Variants in PTPRN2 observed in about 807,000 individuals in gnomAD.
PTPRN2 encodes receptor-type tyrosine-protein phosphatase N2.
In PTPRN2, 74 loss-of-function variants were observed where a neutral mutation model predicts 118.8. The observed-to-expected ratio is 0.62, with a 90% CI of 0.52 to 0.76. The LOEUF (loss-of-function observed/expected upper bound fraction) is 0.76, where lower values mean the gene tolerates loss of function less well. PTPRN2 is among the 30% of genes least tolerant of loss of function. The pLI, the probability that PTPRN2 is intolerant of heterozygous loss-of-function variation, is 0.00. For synonymous variants in PTPRN2, 641 were observed against 608.0 expected (o/e 1.05, Z -0.80); for missense variants, 1,481 against 1,394.4 (o/e 1.06, Z -0.99).
intron 12 of PTPRN2, among the ~76,000 whole-genome samples, chr7:157,851,221 C>T (rs149696726): frequency 0.016 from 2,379 of 152,330 alleles, 39 homozygotes; most frequent in Admixed American, 0.047. Context: ...GGGTTCCTGC[C>T]TCCTATAGAG....
chr7:158,583,284 C>G (rs1463287901), intron 1 of PTPRN2, among the ~76,000 whole-genome samples: 1 of 152,166 alleles, frequency 6.6e-6, no homozygotes, highest in Non-Finnish European at 1.5e-5. Flanking sequence ...TTGGACTGCA[C>G]ATCACACCAG....
rs192067382 is a variant in PTPRN2 at position 158,457,868 on chromosome 7, G to A, written c.163+31867C>T. Among the ~76,000 whole-genome samples the A allele has an allele frequency of 1.6e-4, 24 of 152,180 alleles. 1 individual carries two copies. In the East Asian group the frequency reaches 2.3e-3, roughly 15 times the overall value. ...TGGGGAGAGTCGCAGTAAAGCCACC[G>A]TCAAAACTCCTTCCAAGTTCATTAT... On this transcript the variant is annotated intron_variant, in intron 2 of 22. Coordinates refer to ENST00000389418, the MANE Select transcript of PTPRN2 (RefSeq NM_002847.5).
intron 12 of PTPRN2, among the ~76,000 whole-genome samples, chr7:157,765,960 T>A (rs1468474339): frequency 6.9e-6 from 1 of 144,782 alleles, no homozygotes; most frequent in Non-Finnish European, 1.5e-5. Context: ...CATCCATCCA[T>A]CCTTCTTTCA....
At chr7:157,938,102 C>T (rs1799829270) in intron 11 of PTPRN2, among the ~76,000 whole-genome samples, 1 of 152,228 alleles carries the variant, frequency 6.6e-6, no homozygotes, top group Admixed American at 6.5e-5. Context: ...CCACCCACTG[C>T]AGGGCACAGT....
intron 3 of PTPRN2, among the ~76,000 whole-genome samples, chr7:158,239,056 C>T (rs576922416): frequency 1.1e-3 from 169 of 152,296 alleles, no homozygotes; most frequent in African/African-American, 3.8e-3. Context: ...AGCTGCCACC[C>T]GAGCCTGGTG....
chr7:158,373,883 C>T (rs1302217296), intron 2 of PTPRN2, among the ~76,000 whole-genome samples: 1 of 152,236 alleles, frequency 6.6e-6, no homozygotes, highest in Non-Finnish European at 1.5e-5. Context: ...CGTCTCTCTG[C>T]GTCTCAGCCT....
intron 2 of PTPRN2, among the ~76,000 whole-genome samples, chr7:158,366,298 G>A (rs1324080662): frequency 1.4e-5 from 2 of 144,092 alleles, no homozygotes; most frequent in Non-Finnish European, 3.0e-5. Context: ...AGAAGCTGCA[G>A]CCCAATGCAC....
intron 9 of PTPRN2, among the ~76,000 whole-genome samples, chr7:158,115,346 T>C (rs1333869973): frequency 6.6e-6 from 1 of 152,116 alleles, no homozygotes; most frequent in Non-Finnish European, 1.5e-5. Context: ...GACATGGTCA[T>C]AGACTGCGAT....
At chr7:157,771,732 C>G (rs894173288) in intron 12 of PTPRN2, among the ~76,000 whole-genome samples, 1 of 151,194 alleles carries the variant, frequency 6.6e-6, no homozygotes, top group Non-Finnish European at 1.5e-5. Flanking sequence ...CACAGACGCA[C>G]AAACAGACGC....
intron 12 of PTPRN2, among the ~76,000 whole-genome samples, chr7:157,723,846 T>TC (rs1326882929): frequency 6.6e-6 from 1 of 152,152 alleles, no homozygotes; most frequent in East Asian, 1.9e-4. Context: ...CAATTCCCGC[T>TC]CATACACAGC....
chr7:158,451,874 G>A (rs1406824455), intron 2 of PTPRN2, among the ~76,000 whole-genome samples: 3 of 151,954 alleles, frequency 2.0e-5, no homozygotes, highest in East Asian at 1.9e-4. Flanking sequence ...ATTCCCCCAC[G>A]TTTTCTTCCA....
intron 12 of PTPRN2, among the ~76,000 whole-genome samples, chr7:157,684,582 TCCTCC>T (rs555513460): frequency 3.1e-4 from 38 of 124,124 alleles, no homozygotes; most frequent in African/African-American, 1.0e-3. Context: ...CTCCCCGGTC[TCCTCC>T]CCTCCCCTCC....
chr7:158,333,464 ACT>A (rs1289076209), intron 2 of PTPRN2, among the ~76,000 whole-genome samples: 117 of 146,150 alleles, frequency 8.0e-4, no homozygotes, highest in Admixed American at 1.4e-3. Flanking sequence ...TCACACCCAC[ACT>A]CTCTCCATAA....
chr7:158,088,495 T>C (rs1311102486), intron 10 of PTPRN2, among the ~76,000 whole-genome samples: 4 of 8,352 alleles, frequency 4.8e-4, no homozygotes, highest in African/African-American at 6.4e-4. Context: ...ACAAACCTTC[T>C]TCCCCTGATG....
At chr7:157,707,037 T>C (rs1798369052) in intron 12 of PTPRN2, among the ~76,000 whole-genome samples, 1 of 152,206 alleles carries the variant, frequency 6.6e-6, no homozygotes, top group African/African-American at 2.4e-5. Flanking sequence ...ACCACATCCC[T>C]CCAGAATGCC....
chr7:158,195,730 C>T (rs1826162449), intron 4 of PTPRN2, among the ~76,000 whole-genome samples: 2 of 152,028 alleles, frequency 1.3e-5, no homozygotes, highest in Admixed American at 1.3e-4. Context: ...TTCATTCCAC[C>T]CATGAAATTT....
chr7:158,259,418 C>T (rs559619019), intron 3 of PTPRN2, among the ~76,000 whole-genome samples: 1 of 152,304 alleles, frequency 6.6e-6, no homozygotes, highest in South Asian at 2.1e-4. Flanking sequence ...TGCTGTGCTG[C>T]AGGGAAGAGT....
intron 2 of PTPRN2, among the ~76,000 whole-genome samples, chr7:158,484,143 T>TA (rs202199223): frequency 0.016 from 2,388 of 151,710 alleles, 31 homozygotes; most frequent in Admixed American, 0.034. Context: ...GTGCTTGTCT[T>TA]AAAAAAAACA....
intron 5 of PTPRN2, among the ~76,000 whole-genome samples, chr7:158,169,389 CA>C (rs1220916707): frequency 6.6e-6 from 1 of 151,334 alleles, no homozygotes; most frequent in Non-Finnish European, 1.5e-5. Context: ...ACCACAGGAA[CA>C]CACCACCATA....
Sources: allele counts gnomAD v4.1 joint callset (sites outside exome capture counted in the v4.1 genomes callset), GRCh38; gene constraint gnomAD v4.1.1; transcripts MANE v1.5; gene names NCBI Gene and HGNC (gene_info 2026-07-23, HGNC 2026-07-21).